The following TTLL2 variants were observed in gnomAD, a reference collection of about 807,000 sequenced individuals.
TTLL2 encodes tubulin tyrosine ligase like 2.
A neutral mutation model predicts 7.5 loss-of-function variants in TTLL2; 10 were observed. The observed-to-expected ratio is 1.33, with a 90% CI of 0.82 to 2.25. The LOEUF (loss-of-function observed/expected upper bound fraction) is 2.25, where lower values mean the gene tolerates loss of function less well. TTLL2 is among the 30% of genes most tolerant of loss of function. TTLL2 has a pLI of 0.00. For synonymous variants in TTLL2, 284 were observed against 280.3 expected (o/e 1.01, Z -0.13); for missense variants, 733 against 735.7 (o/e 1.00, Z 0.04).
At chr6:167,337,677 G>T (rs996243309) in intron 1 of TTLL2, among the ~76,000 whole-genome samples, 4 of 151,218 alleles carry the variant, frequency 2.6e-5, no homozygotes, top group Non-Finnish European at 5.9e-5. Context: ...AGATAACAGC[G>T]TATTTCTTGG....
rs770551644 is a variant in TTLL2, at chr6:167,340,878, AT to A, written c.985del (p.Ser329ProfsTer47). 4.5e-5 allele frequency: 73 copies of A among 1,613,946 alleles called. No individual in the cohort carries two copies. The highest frequency in any genetic ancestry group is 5.0e-5 in the Non-Finnish European group (59 of 1,180,016). On this transcript the variant is annotated frameshift_variant, in exon 3 of 3. Transcript: ENST00000239587. LOFTEE classifies it low-confidence loss of function (END_TRUNC). ...GHGCKWTLSRFFSYLRSWDVD... is the reference protein window; with the variant it reads ...GHGCKWTLSRXFSYLRSWDVD... ...ATGGTTGTAAATGGACGCTCAGCAGATTTTTTTCCTACCTTCGTAGCTGGGA... is the reference window on the plus strand; with the variant it reads ...ATGGTTGTAAATGGACGCTCAGCAGATTTTTTCCTACCTTCGTAGCTGGGA...
At chr6:167,332,364 G>T (rs1231628368) in intron 1 of TTLL2, among the ~76,000 whole-genome samples, 1 of 152,138 alleles carries the variant, frequency 6.6e-6, no homozygotes. Context: ...CCTCCCGTTA[G>T]CTGACAGCTC....
intron 1 of TTLL2, among the ~76,000 whole-genome samples, chr6:167,337,160 A>G (rs1007735792): frequency 1.3e-5 from 2 of 152,278 alleles, no homozygotes; most frequent in East Asian, 1.9e-4. Context: ...TGAGAAAGGC[A>G]GGATACAAGA....
chr6:167,340,098 T>C lies in TTLL2; in HGVS notation c.205-7T>C. ...TCTCCTAACCTTTCTCAATGATCCA[T>C]TTTTAGAAAAAACCTCATTTGATGG... On this transcript the variant is annotated splice_polypyrimidine_tract_variant and splice_region_variant and intron_variant, in intron 2 of 2. Coordinates refer to ENST00000239587, the MANE Select transcript of TTLL2 (RefSeq NM_031949.5). 1 of 1,559,696 alleles carries C rather than the reference T, an allele frequency of 6.4e-7. No individual in the cohort carries two copies. The highest frequency in any genetic ancestry group is 8.7e-7 in the Non-Finnish European group (1 of 1,155,746).
intron 1 of TTLL2, among the ~76,000 whole-genome samples, chr6:167,331,659 A>T (rs1562370387): frequency 6.6e-6 from 1 of 152,156 alleles, no homozygotes; most frequent in African/African-American, 2.4e-5. Flanking sequence ...CCGTACTTTT[A>T]TATTTGAGTC....
chr6:167,328,072 T>C (rs1469117496), intron 1 of TTLL2: 1 of 453,032 alleles, frequency 2.2e-6, no homozygotes, highest in African/African-American at 2.1e-5. Context: ...CCCGGTCAAA[T>C]GGAAAGTTGC....
rs1357765717 is a variant in TTLL2 at position 167,341,998 on chromosome 6, A to T, written c.*319A>T. 1 of 227,028 alleles carries T rather than the reference A, an allele frequency of 4.4e-6. No individual in the cohort carries two copies. The highest frequency in any genetic ancestry group is 8.5e-6 in the Non-Finnish European group (1 of 116,960). 14.1% of individuals were successfully genotyped at this position (227,028 alleles called of 1,614,324 possible). On this transcript the variant is annotated 3_prime_UTR_variant, in exon 3 of 3. Coordinates refer to ENST00000239587, the MANE Select transcript of TTLL2 (RefSeq NM_031949.5). The stretch of plus-strand genomic sequence containing the variant: ...TGCTATGTATGTATTTAAAGAGGAG[A>T]AAAAGATTATTCTAATATTTTTAAA...
intron 1 of TTLL2, among the ~76,000 whole-genome samples, chr6:167,326,698 A>C (rs1224263197): frequency 6.6e-6 from 1 of 152,132 alleles, no homozygotes; most frequent in Non-Finnish European, 1.5e-5. Context: ...AAATTTGTAA[A>C]CTTTCTTAAA....
chr6:167,329,174 C>A (rs1156961913), intron 1 of TTLL2, among the ~76,000 whole-genome samples: 6 of 152,152 alleles, frequency 3.9e-5, no homozygotes, highest in Non-Finnish European at 2.9e-5. Flanking sequence ...GAAACACAGG[C>A]TCCCACCTCA....
chr6:167,327,964 C>A, intron 1 of TTLL2: 1 of 456,040 alleles, frequency 2.2e-6, no homozygotes, highest in Non-Finnish European at 4.4e-6. Flanking sequence ...TTGAGAAGGG[C>A]CCCTCTCCTT....
At chr6:167,337,954 CACAT>C (rs1294701794) in intron 1 of TTLL2, among the ~76,000 whole-genome samples, 1 of 151,914 alleles carries the variant, frequency 6.6e-6, no homozygotes, top group East Asian at 1.9e-4. Context: ...ACACACAACA[CACAT>C]ACATACCACG....
chr6:167,330,163 A>G (rs919837099), intron 1 of TTLL2, among the ~76,000 whole-genome samples: 2 of 152,224 alleles, frequency 1.3e-5, no homozygotes, highest in African/African-American at 4.8e-5. Context: ...AACAGATGTT[A>G]TAAAAATGGA....
At chr6:167,331,259 GTTCAATATCC>G (rs1330758502) in intron 1 of TTLL2, among the ~76,000 whole-genome samples, 1 of 152,106 alleles carries the variant, frequency 6.6e-6, no homozygotes, top group Non-Finnish European at 1.5e-5. Context: ...TGGTGAGGAT[GTTCAATATCC>G]TCCTTCCAGC....
chr6:167,341,956 G>A lies in TTLL2; in HGVS notation c.*277G>A, dbSNP rs2981979. The A allele has an allele frequency of 0.97, 395,353 of 405,854 alleles. 192,639 individuals are homozygous for A. Among genetic ancestry groups the A allele is most frequent in the East Asian group, 1 (22,950 of 22,954 alleles). 25.1% of individuals were successfully genotyped at this position (405,854 alleles called of 1,614,324 possible). A position where few individuals can be genotyped will look rare whatever the true frequency, so the allele number is the denominator to read the frequency against. ...CACAGCCTCCCACCAGTAATTGAATGTGCTACACTACGATTATGCTATGTA... is the reference window on the plus strand; with the variant it reads ...CACAGCCTCCCACCAGTAATTGAATATGCTACACTACGATTATGCTATGTA... On this transcript the variant is annotated 3_prime_UTR_variant, in exon 3 of 3. Coordinates refer to ENST00000239587, the MANE Select transcript of TTLL2 (RefSeq NM_031949.5).
rs764348283 is a variant in TTLL2 at position 167,340,869 on chromosome 6, G to T, written c.969G>T (p.Thr323=). The change falls in exon 3 of 3, where the codon ACG becomes ACT. Residue 323 remains threonine, a synonymous_variant. Coordinates refer to ENST00000239587, the MANE Select transcript of TTLL2 (RefSeq NM_031949.5). The part of the protein sequence containing the change: ...KEVIGHGCKW[T]LSRFFSYLRS... ...TGATTGGTCATGGTTGTAAATGGAC[G>T]CTCAGCAGATTTTTTTCCTACCTTC... The T allele has an allele frequency of 5.0e-6, 8 of 1,614,128 alleles. No individual in the cohort carries two copies. Among genetic ancestry groups the T allele is most frequent in the Non-Finnish European group, 6.8e-6 (8 of 1,180,024 alleles).
At chr6:167,326,821 C>T (rs1778852920) in intron 1 of TTLL2, among the ~76,000 whole-genome samples, 1 of 152,156 alleles carries the variant, frequency 6.6e-6, no homozygotes, top group Non-Finnish European at 1.5e-5. Context: ...GGGCCCAGGG[C>T]AGCCAAAAGA....
At position 167,341,629 on chromosome 6, in the gene TTLL2, A is replaced by G. The variant is rs1779099810; in HGVS notation, c.1729A>G (p.Lys577Glu). Residue 577 changes from lysine to glutamate, a missense_variant, in exon 3 of 3, where the codon AAA (lysine) becomes GAA (glutamate). By Grantham distance (56) the Lys-to-Glu change is moderately conservative. Coordinates refer to ENST00000239587, the MANE Select transcript of TTLL2 (RefSeq NM_031949.5). ...AGCTTCCAGGAATGGATTAAATGTC[A>G]AAAGAATAATCCAAGAGCTCCAGAA... Reference protein sequence around the residue: ...LGASRNGLNVKRIIQELQKLM... With the variant: ...LGASRNGLNVERIIQELQKLM... 1.2e-6 allele frequency: 2 copies of G among 1,613,990 alleles called. No individual in the cohort carries two copies. The highest frequency in any genetic ancestry group is 1.7e-6 in the Non-Finnish European group (2 of 1,179,958).
chr6:167,330,922 G>A (rs918745363), intron 1 of TTLL2, among the ~76,000 whole-genome samples: 1 of 152,136 alleles, frequency 6.6e-6, no homozygotes, highest in African/African-American at 2.4e-5. Flanking sequence ...ACTGCAGCAT[G>A]AGCTCGATAG....
intron 1 of TTLL2, among the ~76,000 whole-genome samples, chr6:167,327,278 T>C (rs545179882): frequency 7.9e-5 from 12 of 152,318 alleles, no homozygotes; most frequent in Middle Eastern, 3.4e-3. Flanking sequence ...AGTTCTGTCC[T>C]TTGTCCCGTG....
Sources: allele counts gnomAD v4.1 joint callset (sites outside exome capture counted in the v4.1 genomes callset), GRCh38; gene constraint gnomAD v4.1.1; transcripts MANE v1.5; gene names NCBI Gene and HGNC (gene_info 2026-07-23, HGNC 2026-07-21).